OSBPL3: variants seen among roughly 807,000 people sequenced by gnomAD.
OSBPL3 encodes oxysterol-binding protein-related protein 3.
In OSBPL3, 65 loss-of-function variants were observed where a neutral mutation model predicts 120.1. That is an observed-to-expected ratio of 0.54 (90% CI 0.44 to 0.67). The LOEUF is 0.67. OSBPL3 is among the 30% of genes least tolerant of loss of function. OSBPL3 has a pLI of 0.00. For synonymous variants in OSBPL3, 416 were observed against 402.6 expected (o/e 1.03, Z -0.40); for missense variants, 1,004 against 1,082.1 (o/e 0.93, Z 1.01).
At position 24,842,299 on chromosome 7, in the gene OSBPL3, G is replaced by A; in HGVS notation, c.1381C>T (p.Pro461Ser). ...FFDAQEVLLS[P>S]SSSENEISDD... ...CAAACCTCGTTTTCTGAAGAGCTTG[G>A]AGATAACAGAACTTCCTGAGCATCA... The change falls in exon 13 of 23, where the codon CCA becomes TCA. Residue 461 changes from proline (P) to serine (S), a missense_variant. By Grantham distance (74) the Pro-to-Ser change is moderately conservative. This residue lies in a region of OSBPL3 where 473 missense variants were observed against 568.0 expected (regional missense o/e 0.83). Coordinates refer to ENST00000313367, the MANE Select transcript of OSBPL3 (RefSeq NM_015550.4). 1 of 1,613,548 alleles carries A rather than the reference G, an allele frequency of 6.2e-7. No homozygotes were observed. The highest frequency in any genetic ancestry group is 8.5e-7 in the Non-Finnish European group (1 of 1,179,900).
Position 24,947,364 on chromosome 7 carries a change from C to T in OSBPL3, c.-150+32522G>A, listed in dbSNP as rs779145748. Among the ~76,000 whole-genome samples, 2 of 152,166 alleles carry T rather than the reference C, an allele frequency of 1.3e-5. No individual in the cohort carries two copies. Among genetic ancestry groups the T allele is most frequent in the African/African-American group, 2.4e-5 (1 of 41,432 alleles). ...GAATAAAGCTCTTCCAGGTAGAGTTCAATGGCTACAGAAGGAATCAGCTCA... is the reference window on the plus strand; with the variant it reads ...GAATAAAGCTCTTCCAGGTAGAGTTTAATGGCTACAGAAGGAATCAGCTCA... On this transcript the variant is annotated intron_variant, in intron 1 of 22. Coordinates refer to ENST00000313367, the MANE Select transcript of OSBPL3 (RefSeq NM_015550.4). The surrounding 1 kb of genome is among the most constrained non-coding windows in gnomAD (Gnocchi z 4.4).
At chr7:24,868,962 G>A (rs1801737736) in intron 5 of OSBPL3, among the ~76,000 whole-genome samples, 1 of 152,068 alleles carries the variant, frequency 6.6e-6, no homozygotes, top group Non-Finnish European at 1.5e-5. Context: ...GCAGTTCTAG[G>A]GCCGTGGGTG....
intron 12 of OSBPL3, among the ~76,000 whole-genome samples, chr7:24,846,399 T>C (rs1798452139): frequency 6.6e-6 from 1 of 152,196 alleles, no homozygotes; most frequent in South Asian, 2.1e-4. Context: ...CACCACCTAC[T>C]TCATAGAGTC....
rs919399205 is a variant in OSBPL3, at chr7:24,855,852, A to T, written c.1028-3218T>A. On this transcript the variant is annotated intron_variant, in intron 10 of 22. Transcript: ENST00000313367. The surrounding 1 kb of genome is among the most constrained non-coding windows in gnomAD (Gnocchi z 4.3). ...CACATCTATGGTTACCTGACAATAAATAAAGCCACACAGAAAATCTTAGAT... is the reference window on the plus strand; with the variant it reads ...CACATCTATGGTTACCTGACAATAATTAAAGCCACACAGAAAATCTTAGAT... 6.6e-6 allele frequency among the ~76,000 whole-genome samples: 1 copy of T among 152,220 alleles called. No homozygotes were observed. The highest frequency in any genetic ancestry group is 1.5e-5 in the Non-Finnish European group (1 of 68,034).
In OSBPL3 at chr7:24,806,752, GAA is replaced by G; in HGVS notation, c.2444+22_2444+23del. The G allele has an allele frequency of 1.9e-6, 3 of 1,610,744 alleles. No individual in the cohort carries two copies. The Admixed American group carries it at 5.0e-5, about 27-fold the overall frequency. ...GTAAAGGGTTTTACATCTCTGGAGAGAAAAATCTTTAAAAAATCCTTACCTCT... is the reference window on the plus strand; with the variant it reads ...GTAAAGGGTTTTACATCTCTGGAGAGAAATCTTTAAAAAATCCTTACCTCT... On this transcript the variant is annotated intron_variant, in intron 21 of 22. Transcript: ENST00000313367. This position sits in a 1 kb window ranked among gnomAD's most constrained non-coding sequence, Gnocchi z 5.2.
Position 24,881,592 on chromosome 7 carries a change from C to G in OSBPL3, c.97-9523G>C, listed in dbSNP as rs912830842. On this transcript the variant is annotated intron_variant, in intron 2 of 22. Transcript: ENST00000313367. The surrounding 1 kb of genome is among the most constrained non-coding windows in gnomAD (Gnocchi z 4.3). ...CACAAACCTGCTGCAGGAGTTCAGACAGGCATAATCTCCAAAGCCTAGATC... is the reference window on the plus strand; with the variant it reads ...CACAAACCTGCTGCAGGAGTTCAGAGAGGCATAATCTCCAAAGCCTAGATC... 6.6e-6 allele frequency among the ~76,000 whole-genome samples: 1 copy of G among 152,202 alleles called. No individual in the cohort carries two copies. Among genetic ancestry groups the G allele is most frequent in the Non-Finnish European group, 1.5e-5 (1 of 68,038 alleles).
rs1040530501 is a variant in OSBPL3, at chr7:24,863,946, G to A, written c.674-347C>T. On this transcript the variant is annotated intron_variant, in intron 7 of 22. Coordinates refer to ENST00000313367, the MANE Select transcript of OSBPL3 (RefSeq NM_015550.4). This position sits in a 1 kb window ranked among gnomAD's most constrained non-coding sequence, Gnocchi z 5.8. Reference sequence around the variant, plus strand: ...GAATTAAATGAGTTGATATTGCACAGTTCTTAGAAGAGTGTTTGGCACAGA... The same window carrying A: ...GAATTAAATGAGTTGATATTGCACAATTCTTAGAAGAGTGTTTGGCACAGA... 2.0e-5 allele frequency among the ~76,000 whole-genome samples: 3 copies of A among 152,166 alleles called. No individual in the cohort carries two copies. Among genetic ancestry groups the A allele is most frequent in the African/African-American group, 7.2e-5 (3 of 41,424 alleles).
Position 24,802,534 on chromosome 7 carries a change from C to G in OSBPL3, c.2567+1781G>C, listed in dbSNP as rs572050692. ...AATTCCTTCCTGATTGCAATGACAG[C>G]ATAATCACATTCTGTATCTTGCATT... On this transcript the variant is annotated intron_variant, in intron 22 of 22. Transcript: ENST00000313367. The surrounding 1 kb of genome is among the most constrained non-coding windows in gnomAD (Gnocchi z 4.1). 6.6e-6 allele frequency among the ~76,000 whole-genome samples: 1 copy of G among 152,334 alleles called. No homozygotes were observed. The highest frequency in any genetic ancestry group is 2.1e-4 in the South Asian group (1 of 4,822).
At chr7:24,884,321 C>T (rs1804152728) in intron 2 of OSBPL3, among the ~76,000 whole-genome samples, 2 of 152,184 alleles carry the variant, frequency 1.3e-5, no homozygotes, top group Non-Finnish European at 2.9e-5. Flanking sequence ...ATTTATTAGC[C>T]ATGGGACTCC....
Position 24,947,778 on chromosome 7 carries a change from T to TCACA in OSBPL3, c.-150+32104_-150+32107dup, listed in dbSNP as rs56135680. ...ATGTATACATACATATCCAATTAAA[T>TCACA]CACACACACACACACACACACACAC... On this transcript the variant is annotated intron_variant, in intron 1 of 22. Coordinates refer to ENST00000313367, the MANE Select transcript of OSBPL3 (RefSeq NM_015550.4). This position sits in a 1 kb window ranked among gnomAD's most constrained non-coding sequence, Gnocchi z 4.4. 0.043 allele frequency among the ~76,000 whole-genome samples: 6,376 copies of TCACA among 148,172 alleles called. 158 individuals carry two copies. The highest frequency in any genetic ancestry group is 0.052 in the Non-Finnish European group (3,491 of 66,902).
intron 6 of OSBPL3, 90 bp downstream of exon 6, chr7:24,865,978 CTT>C: frequency 9.7e-7 from 1 of 1,032,706 alleles, no homozygotes; most frequent in Non-Finnish European, 1.5e-6. Flanking sequence ...TCCCCGAAAA[CTT>C]TTCCTTCTTC....
rs563194614 is a variant in OSBPL3 at position 24,865,248 on chromosome 7, A to C, written c.673+94T>G. 6 of 1,330,904 alleles carry C rather than the reference A, an allele frequency of 4.5e-6. No homozygotes were observed. The East Asian group carries it at 1.2e-4, about 26-fold the overall frequency. 82.4% of individuals were successfully genotyped at this position (1,330,904 alleles called of 1,614,324 possible). Reference sequence around the variant, plus strand: ...AATATGGAAGGGAATGTGGACAAGCATAGGGGAAGGACACAAATGAATCTG... The same window carrying C: ...AATATGGAAGGGAATGTGGACAAGCCTAGGGGAAGGACACAAATGAATCTG... On this transcript the variant is annotated intron_variant, in intron 7 of 22. Transcript: ENST00000313367.
At chr7:24,919,334 G>A (rs371367582) in intron 1 of OSBPL3, among the ~76,000 whole-genome samples, 28 of 152,222 alleles carry the variant, frequency 1.8e-4, no homozygotes, top group African/African-American at 6.5e-4. Flanking sequence ...ATAAGATTGA[G>A]AATGTAGACA....
At chr7:24,942,160 T>TA (rs1813179081) in intron 1 of OSBPL3, among the ~76,000 whole-genome samples, 1 of 152,142 alleles carries the variant, frequency 6.6e-6, no homozygotes, top group African/African-American at 2.4e-5. Context: ...AAGATGCTTT[T>TA]TTTTTTTTTA....
At chr7:24,839,568 A>G (rs958411216) in intron 14 of OSBPL3, among the ~76,000 whole-genome samples, 6 of 152,198 alleles carry the variant, frequency 3.9e-5, no homozygotes. Flanking sequence ...CTGAAGCTAA[A>G]TGACCACCTG....
At chr7:24,978,989 T>C (rs1191945163) in intron 1 of OSBPL3, among the ~76,000 whole-genome samples, 1 of 152,064 alleles carries the variant, frequency 6.6e-6, no homozygotes, top group African/African-American at 2.4e-5. Context: ...CCTGCGACAG[T>C]GCCCATCAGC....
In OSBPL3 at chr7:24,872,288, T is replaced by C. The variant is rs1275542228; in HGVS notation, c.97-219A>G. Among the ~76,000 whole-genome samples the C allele has an allele frequency of 1.3e-5, 2 of 152,040 alleles. No homozygotes were observed. Among genetic ancestry groups the C allele is most frequent in the African/African-American group, 4.8e-5 (2 of 41,424 alleles). ...AAATTTTGGTTTTTTTAAAGCTCTTTTTTTTTTAGAAGGGAATGTTTCTTT... is the reference window on the plus strand; with the variant it reads ...AAATTTTGGTTTTTTTAAAGCTCTTCTTTTTTTAGAAGGGAATGTTTCTTT... On this transcript the variant is annotated intron_variant, in intron 2 of 22. Transcript: ENST00000313367. The surrounding 1 kb of genome is among the most constrained non-coding windows in gnomAD (Gnocchi z 4.1).
In OSBPL3 at chr7:24,881,559, G is replaced by C. The variant is rs1763458385; in HGVS notation, c.97-9490C>G. Among the ~76,000 whole-genome samples the C allele has an allele frequency of 6.6e-6, 1 of 152,114 alleles. No individual in the cohort carries two copies. The highest frequency in any genetic ancestry group is 2.1e-4 in the South Asian group (1 of 4,812). On this transcript the variant is annotated intron_variant, in intron 2 of 22. Transcript: ENST00000313367. This position sits in a 1 kb window ranked among gnomAD's most constrained non-coding sequence, Gnocchi z 4.3. ...TGAAAATTTGTAAATTGTCAAATGG[G>C]AGATTCACACAAACCTGCTGCAGGA... is the stretch of plus-strand genomic sequence containing the variant.
intron 20 of OSBPL3, among the ~76,000 whole-genome samples, chr7:24,807,245 C>A (rs1482643181): frequency 6.6e-6 from 1 of 152,218 alleles, no homozygotes; most frequent in Non-Finnish European, 1.5e-5. Context: ...GTAATCCCAG[C>A]ACTTTGGGAG....
Sources: gnomAD v4.1 joint callset for allele counts (sites outside exome capture counted in the v4.1 genomes callset) on GRCh38, gnomAD v4.1.1 for gene constraint, gnomAD v4.1.1 regional missense constraint, Gnocchi (gnomAD v3.1) non-coding constraint, MANE v1.5 for transcripts, NCBI Gene and HGNC (gene_info 2026-07-23, HGNC 2026-07-21) for gene names.